MYO7B: variants seen among roughly 807,000 people sequenced by gnomAD.
The protein encoded by MYO7B is myosin VIIB, also known as unconventional myosin-VIIb.
Under a neutral mutation model 259.7 loss-of-function variants are expected in MYO7B, and 212 were observed. That is an observed-to-expected ratio of 0.82 (90% CI 0.73 to 0.91). MYO7B has a LOEUF of 0.91. Among genes scored for constraint, MYO7B ranks in the 40% least tolerant of loss-of-function variants. MYO7B has a pLI of 0.00. For missense variants in MYO7B, 2,732 were observed against 2,813.5 expected (o/e 0.97, Z 0.66); for synonymous variants, 1,197 against 1,166.4 (o/e 1.03, Z -0.54).
Position 127,625,371 on chromosome 2 carries a change from G to A in MYO7B, c.4051G>A (p.Glu1351Lys), listed in dbSNP as rs769290669. The A allele has an allele frequency of 2.5e-6, 4 of 1,573,788 alleles. No homozygotes were observed. In the African/African-American group the frequency reaches 4.1e-5, roughly 16 times the overall value. The change falls in exon 31 of 48, where the codon GAA (glutamate) becomes AAA (lysine). Residue 1351 changes from glutamate (E) to lysine (K), a missense_variant. Coordinates refer to ENST00000409816, the MANE Select transcript of MYO7B (RefSeq NM_001393586.1). Reference sequence around the variant, plus strand: ...GTGGGTGCCCTGGGCTGTGCAGGAGGAAGAGCTGGTTGAGCTGCTGGCCCG... The same window carrying A: ...GTGGGTGCCCTGGGCTGTGCAGGAGAAAGAGCTGGTTGAGCTGCTGGCCCG... ...WSGEYSFEKE[E>K]ELVELLARHC... is the part of the protein sequence containing the mutation.
chr2:127,542,052 A>G (rs1482437589), intron 1 of MYO7B, among the ~76,000 whole-genome samples: 1 of 152,252 alleles, frequency 6.6e-6, no homozygotes, highest in African/African-American at 2.4e-5. Flanking sequence ...CCTGGGCAGA[A>G]GAGGAGGGAG....
intron 5 of MYO7B, among the ~76,000 whole-genome samples, chr2:127,568,268 G>C (rs1271493302): frequency 6.6e-6 from 1 of 152,260 alleles, no homozygotes; most frequent in African/African-American, 2.4e-5. Context: ...GGAGCTTACG[G>C]TGTGGCTCTA....
At chr2:127,545,914 A>G (rs1693210874) in intron 1 of MYO7B, among the ~76,000 whole-genome samples, 1 of 152,224 alleles carries the variant, frequency 6.6e-6, no homozygotes. Context: ...ACTGGGGCCC[A>G]CTGACCAGCC....
intron 1 of MYO7B, among the ~76,000 whole-genome samples, chr2:127,558,434 G>C (rs1220827601): frequency 6.6e-6 from 1 of 152,202 alleles, no homozygotes; most frequent in African/African-American, 2.4e-5. Context: ...GCAAAACAGT[G>C]TGGAGATTCC....
chr2:127,573,895 A>G, intron 6 of MYO7B, 25 bp from the exon 7 acceptor site: 1 of 1,613,860 alleles, frequency 6.2e-7, no homozygotes, highest in Non-Finnish European at 8.5e-7. Context: ...TGCTCCCATC[A>G]TGGGCATCGC....
Position 127,592,893 on chromosome 2 carries a change from G to A in MYO7B, c.2092G>A (p.Glu698Lys), listed in dbSNP as rs1679620431. Residue 698 changes from glutamate (E) to lysine (K), a missense_variant, in exon 17 of 48, where the codon GAG becomes AAG. Physicochemically the swap from Glu to Lys is moderately conservative, Grantham distance 56 (BLOSUM62 1). Coordinates refer to ENST00000409816, the MANE Select transcript of MYO7B (RefSeq NM_001393586.1). ...KSGFPIRYTF[E>K]EFSQRFGVLL... ...GGGCTTCCCCATCCGCTACACGTTC[G>A]AGGAGTTCTCGCAGAGGTTCGGCGT... The A allele has an allele frequency of 6.2e-7, 1 of 1,608,562 alleles. No individual in the cohort carries two copies. The highest frequency in any genetic ancestry group is 8.5e-7 in the Non-Finnish European group (1 of 1,178,004).
intron 1 of MYO7B, among the ~76,000 whole-genome samples, chr2:127,555,137 T>C (rs1170038366): frequency 6.6e-6 from 1 of 151,984 alleles, no homozygotes; most frequent in African/African-American, 2.4e-5. Context: ...TTGTTAGAGA[T>C]GGAGTTTCAC....
intron 39 of MYO7B, 41 bp downstream of exon 39, chr2:127,632,442 C>T: frequency 6.7e-7 from 1 of 1,498,630 alleles, no homozygotes; most frequent in Non-Finnish European, 8.9e-7. Flanking sequence ...GGCCCTGGGC[C>T]CGCAGACCTG....
chr2:127,598,692 A>G (rs1345976254), intron 19 of MYO7B, among the ~76,000 whole-genome samples: 3 of 152,176 alleles, frequency 2.0e-5, no homozygotes, highest in Non-Finnish European at 1.5e-5. Flanking sequence ...AAAAGTTTTT[A>G]TAGTTTTAAA....
chr2:127,593,205 T>A (rs1328389894), intron 17 of MYO7B, among the ~76,000 whole-genome samples: 2 of 152,168 alleles, frequency 1.3e-5, no homozygotes, highest in Non-Finnish European at 2.9e-5. Context: ...TGTCTGTAGT[T>A]GTACAGCAGA....
chr2:127,543,901 C>T (rs1693112046), intron 1 of MYO7B, among the ~76,000 whole-genome samples: 2 of 152,062 alleles, frequency 1.3e-5, no homozygotes, highest in Admixed American at 1.3e-4. Context: ...CCTGCCACCA[C>T]ACCCGGCTCA....
In MYO7B at chr2:127,577,174, T is replaced by G. The variant is rs764776076; in HGVS notation, c.849+466T>G. On this transcript the variant is annotated intron_variant, in intron 8 of 47. Coordinates refer to ENST00000409816, the MANE Select transcript of MYO7B (RefSeq NM_001393586.1). This position sits in a 1 kb window ranked among gnomAD's most constrained non-coding sequence, Gnocchi z 5.2. ...GGCACCACAGCCATCGCTCATTAGC[T>G]GAGGCTCCCTGGCCCTCAGGAGAAC... Among the ~76,000 whole-genome samples, 53 of 152,154 alleles carry G rather than the reference T, an allele frequency of 3.5e-4. No individual in the cohort carries two copies. Among genetic ancestry groups the G allele is most frequent in the Non-Finnish European group, 6.6e-4 (45 of 68,010 alleles).
chr2:127,599,962 T>G (rs1679902904), intron 19 of MYO7B, among the ~76,000 whole-genome samples: 1 of 151,892 alleles, frequency 6.6e-6, no homozygotes, highest in Non-Finnish European at 1.5e-5. Flanking sequence ...GTCTGAGGAT[T>G]TTTTTTCTTT....
chr2:127,637,422 G>T lies in MYO7B; in HGVS notation c.*5G>T, dbSNP rs773296158. 2.0e-6 allele frequency: 3 copies of T among 1,506,294 alleles called. No individual in the cohort carries two copies. The African/African-American group carries it at 4.2e-5, about 21-fold the overall frequency. The allele number at this position is 1,506,294 out of a possible 1,614,324, so 93.3% of individuals were successfully genotyped here. A position where few individuals can be genotyped will look rare whatever the true frequency, so the allele number is the denominator to read the frequency against. ...CCAGCCCTGGCCAGCACCTAGCAGC[G>T]GATGCTGGCGTGTCTGCTCAGGCGC... is the stretch of plus-strand genomic sequence containing the variant. On this transcript the variant is annotated 3_prime_UTR_variant, in exon 48 of 48. Coordinates refer to ENST00000409816, the MANE Select transcript of MYO7B (RefSeq NM_001393586.1).
chr2:127,561,479 G>A (rs1339045787), intron 2 of MYO7B, among the ~76,000 whole-genome samples: 1 of 151,886 alleles, frequency 6.6e-6, no homozygotes, highest in African/African-American at 2.4e-5. Context: ...AGCTTGTCTC[G>A]AACTCCTGAC....
chr2:127,543,182 G>T (rs190545542), intron 1 of MYO7B, among the ~76,000 whole-genome samples: 2 of 152,314 alleles, frequency 1.3e-5, no homozygotes, highest in African/African-American at 4.8e-5. Flanking sequence ...CCATATCTCA[G>T]GCTATCACAT....
intron 34 of MYO7B, among the ~76,000 whole-genome samples, chr2:127,629,236 C>T (rs148511560): frequency 2.2e-4 from 33 of 152,314 alleles, no homozygotes; most frequent in South Asian, 4.1e-4. Flanking sequence ...TCAGTCCTCA[C>T]GGCCACCGCA....
chr2:127,565,155 A>G lies in MYO7B; in HGVS notation c.133-78A>G, dbSNP rs534450368. On this transcript the variant is annotated intron_variant, in intron 3 of 47. Transcript: ENST00000409816. ...CCGGAAGGTCACCTTGCTGCTGAGA[A>G]CTTGGAGGGGAGGGTGTGGCAGGCT... The G allele has an allele frequency of 3.3e-6, 5 of 1,535,402 alleles. No individual in the cohort carries two copies. In the African/African-American group the frequency reaches 5.4e-5, roughly 17 times the overall value.
In MYO7B at chr2:127,627,344, ACT is replaced by A. The variant is rs759690906; in HGVS notation, c.4460+35_4460+36del. The stretch of plus-strand genomic sequence containing the variant: ...CCTGAGGGAAGATCTCTTCTTACAC[ACT>A]GAGTCCTTGTGATGCATCTGGGGGC... On this transcript the variant is annotated intron_variant, in intron 33 of 47. Coordinates refer to ENST00000409816, the MANE Select transcript of MYO7B (RefSeq NM_001393586.1). This position sits in a 1 kb window ranked among gnomAD's most constrained non-coding sequence, Gnocchi z 5.6. The A allele has an allele frequency of 6.3e-7, 1 of 1,591,576 alleles. No individual in the cohort carries two copies. The highest frequency in any genetic ancestry group is 1.1e-5 in the South Asian group (1 of 90,314).
Sources: allele counts gnomAD v4.1 joint callset (sites outside exome capture counted in the v4.1 genomes callset), GRCh38; gene constraint gnomAD v4.1.1; non-coding constraint Gnocchi (gnomAD v3.1); transcripts MANE v1.5; gene names NCBI Gene and HGNC (gene_info 2026-07-23, HGNC 2026-07-21).